Variants in PRH1 observed in about 807,000 individuals in gnomAD.
The protein encoded by PRH1 is salivary acidic proline-rich phosphoprotein 1/2.
Under a neutral mutation model 7.9 loss-of-function variants are expected in PRH1, and 7 were observed. The ratio of observed to expected loss-of-function variants is 0.89; its 90% CI spans 0.50 to 1.67. The LOEUF is 1.67. Among genes scored for constraint, PRH1 ranks in the 40% most tolerant of loss-of-function variants. PRH1 has a pLI of 0.00. For synonymous variants in PRH1, 45 were observed against 80.8 expected, an observed-to-expected ratio of 0.56 and a Z score of 2.38; for missense variants, 109 against 223.6, an observed-to-expected ratio of 0.49 and a Z score of 3.27.
intron 2 of PRH1, among the ~76,000 whole-genome samples, chr12:10,945,507 T>A (rs1024883236): frequency 1.3e-5 from 2 of 151,970 alleles, no homozygotes; most frequent in East Asian, 3.9e-4. Flanking sequence ...AGTGTACAAA[T>A]AGGGTGTGGG....
At chr12:10,952,956 A>G (rs1406644840) in intron 2 of PRH1, among the ~76,000 whole-genome samples, 2 of 152,178 alleles carry the variant, frequency 1.3e-5, no homozygotes, top group Non-Finnish European at 2.9e-5. Flanking sequence ...CTTCCAGCAC[A>G]GCAGATTCCC....
intron 2 of PRH1, among the ~76,000 whole-genome samples, chr12:10,963,122 A>G (rs1938331913): frequency 7.0e-6 from 1 of 142,050 alleles, no homozygotes; most frequent in Non-Finnish European, 1.6e-5. Flanking sequence ...TATATAATAA[A>G]CAAACAAATA....
chr12:10,942,240 T>C (rs543251262), intron 2 of PRH1, among the ~76,000 whole-genome samples: 2 of 152,244 alleles, frequency 1.3e-5, no homozygotes, highest in East Asian at 1.9e-4. Context: ...TCAGCTGTGA[T>C]AGTATGAAGA....
At chr12:11,092,109 T>C (rs1944934082) in intron 1 of PRH1, 1 of 1,534,612 alleles carries the variant, frequency 6.5e-7, no homozygotes, top group Non-Finnish European at 9.0e-7. Context: ...GCAAAGGAGA[T>C]CTTTTGTCTC....
At chr12:10,974,587 G>A (rs1051670003) in intron 1 of PRH1, among the ~76,000 whole-genome samples, 1 of 151,754 alleles carries the variant, frequency 6.6e-6, no homozygotes, top group African/African-American at 2.4e-5. Flanking sequence ...ACCTTATTCC[G>A]AAATCAAACC....
intron 1 of PRH1, among the ~76,000 whole-genome samples, chr12:11,147,439 G>C (rs1160561165): frequency 6.6e-6 from 1 of 152,090 alleles, no homozygotes; most frequent in African/African-American, 2.4e-5. Context: ...CCACCTGCCT[G>C]GGCCTCCCAA....
intron 1 of PRH1, among the ~76,000 whole-genome samples, chr12:11,137,027 T>G (rs1307851979): frequency 6.6e-6 from 1 of 152,218 alleles, no homozygotes; most frequent in East Asian, 1.9e-4. Flanking sequence ...CTCCTGCAAC[T>G]TGGAAGAAAC....
intron 1 of PRH1, among the ~76,000 whole-genome samples, chr12:11,033,118 C>G (rs1942296858): frequency 6.6e-6 from 1 of 152,088 alleles, no homozygotes; most frequent in Non-Finnish European, 1.5e-5. Flanking sequence ...AAATCCAGGC[C>G]CAGCGCAGGC....
intron 1 of PRH1, among the ~76,000 whole-genome samples, chr12:11,055,667 G>A (rs1943335019): frequency 2.0e-5 from 3 of 152,166 alleles, no homozygotes; most frequent in Non-Finnish European, 4.4e-5. Context: ...TTGCCAGCAT[G>A]CAAATCAGGT....
chr12:11,123,523 C>T (rs2136330849), intron 1 of PRH1, among the ~76,000 whole-genome samples: 1 of 152,228 alleles, frequency 6.6e-6, no homozygotes, highest in African/African-American at 2.4e-5. Context: ...CTACAGGCAA[C>T]ATTTATTTAG....
intron 1 of PRH1, among the ~76,000 whole-genome samples, chr12:11,113,823 C>T (rs1385843995): frequency 6.6e-6 from 1 of 151,480 alleles, no homozygotes; most frequent in Non-Finnish European, 1.5e-5. Flanking sequence ...AAACAAACAA[C>T]CCCATCAAAA....
rs1369754266 is a variant in PRH1 at position 10,882,685 on chromosome 12, A to G, written c.114T>C (p.Ser38=). 1.9e-6 allele frequency: 3 copies of G among 1,571,942 alleles called. No individual in the cohort carries two copies. Among genetic ancestry groups the G allele is most frequent in the East Asian group, 2.3e-5 (1 of 44,264 alleles). Residue 38 remains serine (S), a synonymous_variant, in exon 3 of 4, where the codon TCT becomes TCC. Transcript: ENST00000543626. ...GACGCTCCTCATCTAGGAACTGCTC[A>G]GAGTCTCCTCCATCTGTGTGAGTTG... The part of the protein sequence containing the change: ...VPLVISDGGD[S]EQFLDEERQG...
intron 1 of PRH1, among the ~76,000 whole-genome samples, chr12:11,003,949 G>C (rs571654973): frequency 6.6e-6 from 1 of 152,064 alleles, no homozygotes; most frequent in South Asian, 2.1e-4. Flanking sequence ...TTTTATTACT[G>C]ATGGTCATTT....
chr12:11,000,135 T>C (rs954052831), intron 1 of PRH1, among the ~76,000 whole-genome samples: 1 of 152,134 alleles, frequency 6.6e-6, no homozygotes, highest in African/African-American at 2.4e-5. Context: ...AAATAATTTA[T>C]CTAAATTTGT....
intron 1 of PRH1, among the ~76,000 whole-genome samples, chr12:11,027,336 T>C (rs1475143324): frequency 7.3e-5 from 11 of 150,912 alleles, no homozygotes; most frequent in Admixed American, 2.6e-4. Flanking sequence ...TTCTTAACTA[T>C]AGTAAAATAC....
intron 1 of PRH1, among the ~76,000 whole-genome samples, chr12:11,135,113 A>T (rs1307098518): frequency 1.3e-5 from 2 of 152,110 alleles, no homozygotes; most frequent in Non-Finnish European, 2.9e-5. Flanking sequence ...CTCAAGTCTA[A>T]TATTTAAATA....
At chr12:10,962,792 C>T (rs1206558437) in intron 2 of PRH1, among the ~76,000 whole-genome samples, 6 of 152,288 alleles carry the variant, frequency 3.9e-5, no homozygotes, top group Admixed American at 2.6e-4. Context: ...TTTTTTGAGA[C>T]GGAGTCTCGC....
At chr12:11,104,282 A>G (rs962861709) in intron 1 of PRH1, among the ~76,000 whole-genome samples, 13 of 151,744 alleles carry the variant, frequency 8.6e-5, no homozygotes, top group Non-Finnish European at 2.9e-5. Context: ...CCTTCTGACT[A>G]TCCCAAATTG....
intron 2 of PRH1, among the ~76,000 whole-genome samples, chr12:10,967,903 A>G (rs1292849716): frequency 6.6e-6 from 1 of 152,196 alleles, no homozygotes; most frequent in Non-Finnish European, 1.5e-5. Context: ...TGATTTGTTT[A>G]GTCCTAAAAT....
Sources: gnomAD v4.1 joint callset for allele counts (sites outside exome capture counted in the v4.1 genomes callset) on GRCh38, gnomAD v4.1.1 for gene constraint, MANE v1.5 for transcripts, NCBI Gene and HGNC (gene_info 2026-07-23, HGNC 2026-07-21) for gene names.